The following ZNF331 variants were observed in gnomAD, a reference collection of about 807,000 sequenced individuals.
ZNF331 encodes the protein zinc finger protein 331, also known as C2H2-like zinc finger protein rearranged in thyroid adenomas.
A neutral mutation model predicts 7.0 loss-of-function variants in ZNF331; 2 were observed. The ratio of observed to expected loss-of-function variants is 0.29; its 90% confidence interval spans 0.12 to 0.90. The LOEUF is 0.90. ZNF331 is among the 40% of genes least tolerant of loss of function. The probability of loss-of-function intolerance (pLI) is 0.58; values close to 1 mark genes in which losing one functional copy is unlikely to be tolerated. For missense variants in ZNF331, 432 were observed against 587.7 expected, an observed-to-expected ratio of 0.74 and a Z score of 2.74; for synonymous variants, 196 against 205.4, an observed-to-expected ratio of 0.95 and a Z score of 0.39.
the ZNF331 span, among the ~76,000 whole-genome samples, chr19:53,507,924 T>C: frequency 2.6e-3 from 395 of 152,220 alleles, no homozygotes; most frequent in African/African-American, 7.8e-3. Context: ...CGCTTGAACA[T>C]GGAGGTTACA....
At chr19:53,513,714 C>A in the ZNF331 span, among the ~76,000 whole-genome samples, 1 of 152,162 alleles carries the variant, frequency 6.6e-6, no homozygotes, top group African/African-American at 2.4e-5. Context: ...TGCGATGGCA[C>A]GATCTCGGCT....
chr19:53,530,145 A>G (rs1031583853), intron 2 of ZNF331, among the ~76,000 whole-genome samples: 1 of 152,128 alleles, frequency 6.6e-6, no homozygotes, highest in African/African-American at 2.4e-5. Flanking sequence ...AGGAGGGGTA[A>G]GGTTGGGACA....
At chr19:53,562,603 T>A (rs2089947329) in intron 3 of ZNF331, among the ~76,000 whole-genome samples, 1 of 151,468 alleles carries the variant, frequency 6.6e-6, no homozygotes, top group African/African-American at 2.4e-5. Context: ...GGTAGGAGAA[T>A]CACTTGAACC....
chr19:53,573,345 T>G lies in ZNF331; in HGVS notation c.136+1615T>G, dbSNP rs2090554722. Among the ~76,000 whole-genome samples the G allele has an allele frequency of 2.0e-5, 3 of 151,822 alleles. No individual in the cohort carries two copies. Among genetic ancestry groups the G allele is most frequent in the African/African-American group, 7.2e-5 (3 of 41,412 alleles). Reference sequence around the variant, plus strand: ...GCTTGGCCAACAGAGTGAAACCCCATCTCTCCTGAAAATACAAAAATTTGC... The same window carrying G: ...GCTTGGCCAACAGAGTGAAACCCCAGCTCTCCTGAAAATACAAAAATTTGC... On this transcript the variant is annotated intron_variant, in intron 5 of 5. Transcript: ENST00000449416. This position sits in a 1 kb window ranked among gnomAD's most constrained non-coding sequence, Gnocchi z 4.2.
chr19:53,550,529 CT>C (rs60619357), intron 2 of ZNF331, among the ~76,000 whole-genome samples: 3,702 of 64,416 alleles, frequency 0.057, 34 homozygotes, highest in African/African-American at 0.22. Context: ...TCTATTTTGT[CT>C]TTTTTTTTTT....
chr19:53,548,719 G>A (rs540025083), intron 2 of ZNF331, among the ~76,000 whole-genome samples: 39 of 152,304 alleles, frequency 2.6e-4, no homozygotes, highest in African/African-American at 9.4e-4. Flanking sequence ...TGGTGTGATA[G>A]CTAAAAACTC....
At chr19:53,522,773 C>A (rs573342558) in intron 2 of ZNF331, 1 of 152,314 alleles carries the variant, frequency 6.6e-6, no homozygotes, top group Admixed American at 6.5e-5. Flanking sequence ...CCCAAATAGT[C>A]ATTTATCCCA....
chr19:53,559,851 T>C (rs1367873564), intron 3 of ZNF331, among the ~76,000 whole-genome samples: 1 of 150,790 alleles, frequency 6.6e-6, no homozygotes, highest in Non-Finnish European at 1.5e-5. Context: ...CATATACACA[T>C]ATACATACCA....
chr19:53,558,742 A>AT lies in ZNF331; in HGVS notation c.-74+2838dup, dbSNP rs1004658357. On this transcript the variant is annotated intron_variant, in intron 3 of 5. Transcript: ENST00000449416. This position sits in a 1 kb window ranked among gnomAD's most constrained non-coding sequence, Gnocchi z 4.5. ...AGGCTGAAAGTGCCCTAATATTAAG[A>AT]TTTTACCAAGGGTTATGGAATTATG... is the stretch of plus-strand genomic sequence containing the variant. 6.6e-5 allele frequency among the ~76,000 whole-genome samples: 10 copies of AT among 151,748 alleles called. No homozygotes were observed. The highest frequency in any genetic ancestry group is 1.9e-4 in the African/African-American group (8 of 41,194).
At chr19:53,550,199 A>T (rs1435558021) in intron 2 of ZNF331, among the ~76,000 whole-genome samples, 2 of 152,224 alleles carry the variant, frequency 1.3e-5, no homozygotes, top group African/African-American at 4.8e-5. Flanking sequence ...AAGAATGTAC[A>T]TGCTGCCGCT....
chr19:53,556,478 A>G (rs1268176257), intron 3 of ZNF331, among the ~76,000 whole-genome samples: 2 of 151,194 alleles, frequency 1.3e-5, no homozygotes, highest in African/African-American at 2.4e-5. Context: ...TAAAAGGGCA[A>G]ACTTTTTTTT....
intron 3 of ZNF331, among the ~76,000 whole-genome samples, chr19:53,556,186 T>A (rs1357545365): frequency 7.3e-6 from 1 of 137,870 alleles, no homozygotes; most frequent in Non-Finnish European, 1.5e-5. Context: ...GAGCTTGCAG[T>A]GAGCCGAGAT....
At chr19:53,564,031 CAAAAAAAAAAAA>C (rs57538972) in intron 3 of ZNF331, among the ~76,000 whole-genome samples, 4 of 75,632 alleles carry the variant, frequency 5.3e-5, no homozygotes, top group Admixed American at 2.1e-4. Flanking sequence ...GACTTCATCT[CAAAAAAAAAAAA>C]AAAAAAAAAA....
chr19:53,503,273 A>T, the ZNF331 span: 1 of 333,052 alleles, frequency 3.0e-6, no homozygotes, highest in Non-Finnish European at 5.8e-6. Flanking sequence ...GGCTCAAGGG[A>T]TCCTCCTACC....
intron 2 of ZNF331, among the ~76,000 whole-genome samples, chr19:53,525,552 CTGTT>C (rs1363008523): frequency 4.0e-5 from 6 of 149,424 alleles, no homozygotes; most frequent in South Asian, 4.1e-4. Context: ...ATTTGGCTCT[CTGTT>C]TGTCTGTTAT....
rs1243917938 is a variant in ZNF331 at position 53,560,325 on chromosome 19, TACAC to T, written c.-74+4419_-74+4422del. On this transcript the variant is annotated intron_variant, in intron 3 of 5. Transcript: ENST00000449416. The surrounding 1 kb of genome is among the most constrained non-coding windows in gnomAD (Gnocchi z 4.3). ...TACACCCACACCATATACACACACATACACATATATAAACACCATATATATACAG... is the reference window on the plus strand; with the variant it reads ...TACACCCACACCATATACACACACATATATATAAACACCATATATATACAG... 1.3e-5 allele frequency among the ~76,000 whole-genome samples: 2 copies of T among 151,572 alleles called. No individual in the cohort carries two copies. The highest frequency in any genetic ancestry group is 2.9e-5 in the Non-Finnish European group (2 of 67,894).
chr19:53,506,574 C>T, the ZNF331 span, among the ~76,000 whole-genome samples: 5 of 151,252 alleles, frequency 3.3e-5, no homozygotes, highest in South Asian at 1.0e-3. Context: ...CTTCGCAGTC[C>T]CTTACCCATG....
chr19:53,572,744 A>G (rs2090524264), intron 5 of ZNF331, among the ~76,000 whole-genome samples: 1 of 151,906 alleles, frequency 6.6e-6, no homozygotes, highest in Non-Finnish European at 1.5e-5. Flanking sequence ...TCTCACAGGC[A>G]GATGAGACAG....
intron 2 of ZNF331, chr19:53,554,877 CTG>C (rs1237873771): frequency 3.3e-5 from 5 of 152,782 alleles, no homozygotes; most frequent in African/African-American, 9.6e-5. Flanking sequence ...CCCCGGGACT[CTG>C]TTCTGTGAGG....
Sources: allele counts gnomAD v4.1 joint callset (sites outside exome capture counted in the v4.1 genomes callset), GRCh38; gene constraint gnomAD v4.1.1; non-coding constraint Gnocchi (gnomAD v3.1); transcripts MANE v1.5; gene names NCBI Gene and HGNC (gene_info 2026-07-23, HGNC 2026-07-21).